Variants in S100A4 observed in about 807,000 individuals in gnomAD.
S100A4 encodes the protein protein S100-A4.
A neutral mutation model predicts 6.3 loss-of-function variants in S100A4; 4 were observed. That is an observed-to-expected ratio of 0.64 (90% CI 0.31 to 1.46). The LOEUF (loss-of-function observed/expected upper bound fraction) is 1.46. Among genes scored for constraint, S100A4 ranks in the 40% most tolerant of loss-of-function variants. The pLI is 0.07. For synonymous variants in S100A4, 44 were observed against 47.6 expected, an observed-to-expected ratio of 0.92 and a Z score of 0.32; for missense variants, 108 against 120.8, an observed-to-expected ratio of 0.89 and a Z score of 0.50.
At position 153,543,750 on chromosome 1, in the gene S100A4, G is replaced by A; in HGVS notation, c.*9C>T. The stretch of plus-strand genomic sequence containing the variant: ...GCTGGCAGACCCCCCAACCACATCA[G>A]AGGAGTTTTCATTTCTTCCTGGGCT... On this transcript the variant is annotated 3_prime_UTR_variant, in exon 3 of 3. Transcript: ENST00000368716. 6.2e-7 allele frequency: 1 copy of A among 1,613,424 alleles called. No individual in the cohort carries two copies. The highest frequency in any genetic ancestry group is 8.5e-7 in the Non-Finnish European group (1 of 1,179,782).
Position 153,543,660 on chromosome 1 carries a change from A to G in S100A4, c.*99T>C. 8.7e-7 allele frequency: 1 copy of G among 1,145,222 alleles called. No homozygotes were observed. Among genetic ancestry groups the G allele is most frequent in the Non-Finnish European group, 1.3e-6 (1 of 788,610 alleles). The allele number at this position is 1,145,222 out of a possible 1,614,324, so 70.9% of individuals were successfully genotyped here. On this transcript the variant is annotated 3_prime_UTR_variant, in exon 3 of 3. Transcript: ENST00000368716. ...TCTTTATTGAACTTGCTCAGCATCA[A>G]GCACGTGTCTGAAGGAGCCAGGGTG...
Position 153,543,972 on chromosome 1 carries a change from A to G in S100A4, c.142-49T>C, listed in dbSNP as rs769503203. 16 of 1,599,948 alleles carry G rather than the reference A, an allele frequency of 1.0e-5. No homozygotes were observed. The East Asian group carries it at 2.7e-4, about 27-fold the overall frequency. ...TAGAAAACAGAAGCCCAGTGGGTGGAGCCAGGACCAGACCCAGTTTCTACT... is the reference window on the plus strand; with the variant it reads ...TAGAAAACAGAAGCCCAGTGGGTGGGGCCAGGACCAGACCCAGTTTCTACT... On this transcript the variant is annotated intron_variant, in intron 2 of 2. Coordinates refer to ENST00000368716, the MANE Select transcript of S100A4 (RefSeq NM_002961.3).
At chr1:153,544,977 C>G in intron 1 of S100A4, 168 bp from the exon 2 acceptor site, 1 of 697,706 alleles carries the variant, frequency 1.4e-6, no homozygotes, top group Middle Eastern at 4.1e-4. Flanking sequence ...AGGGTGTGCA[C>G]AGTGGGGAAC....
chr1:153,544,626 G>C (rs1343536488), intron 2 of S100A4, 28 bp downstream of exon 2: 2 of 1,613,876 alleles, frequency 1.2e-6, no homozygotes, highest in South Asian at 2.2e-5. Flanking sequence ...GCCCCACGTG[G>C]GGACTCACTC....
chr1:153,543,715 G>C lies in S100A4; in HGVS notation c.*44C>G, dbSNP rs1269491573. 6 of 1,587,516 alleles carry C rather than the reference G, an allele frequency of 3.8e-6. No homozygotes were observed. The highest frequency in any genetic ancestry group is 2.3e-5 in the South Asian group (2 of 87,826). On this transcript the variant is annotated 3_prime_UTR_variant, in exon 3 of 3. Coordinates refer to ENST00000368716, the MANE Select transcript of S100A4 (RefSeq NM_002961.3). Reference sequence around the variant, plus strand: ...AAAAAAAGTGCCCACTGGCGACAGGGAGGGCCCCAGCTGGCAGACCCCCCA... The same window carrying C: ...AAAAAAAGTGCCCACTGGCGACAGGCAGGGCCCCAGCTGGCAGACCCCCCA...
intron 1 of S100A4, chr1:153,545,420 G>A (rs555767360): frequency 5.4e-4 from 83 of 154,844 alleles, no homozygotes; most frequent in Admixed American, 4.9e-3. Context: ...TCCCGAGTGC[G>A]CAACCCAGCA....
In S100A4 at chr1:153,544,735, CG is replaced by C; in HGVS notation, c.59del (p.Ser20TrpfsTer15). ...DVMVSTFHKYSGKEGDKFKLN... is the reference protein window; with the variant it reads ...DVMVSTFHKYXGKEGDKFKLN... ...GCTTGAACTTGTCACCCTCTTTGCC[CG>C]AGTACTTGTGGAAGGTGGACACCAT... On this transcript the variant is annotated frameshift_variant, in exon 2 of 3. Coordinates refer to ENST00000368716, the MANE Select transcript of S100A4 (RefSeq NM_002961.3). LOFTEE classifies it high-confidence loss of function. 1.2e-6 allele frequency: 2 copies of C among 1,614,214 alleles called. No individual in the cohort carries two copies. Among genetic ancestry groups the C allele is most frequent in the Non-Finnish European group, 1.7e-6 (2 of 1,180,036 alleles).
chr1:153,544,950 C>T, intron 1 of S100A4, 141 bp from the exon 2 acceptor site: 1 of 1,005,794 alleles, frequency 9.9e-7, no homozygotes. Context: ...AGCAGTGGGC[C>T]CCCGCACCTG....
At position 153,543,845 on chromosome 1, in the gene S100A4, C is replaced by T; in HGVS notation, c.220G>A (p.Glu74Lys). The change falls in exon 3 of 3, where the codon GAG becomes AAG. Residue 74 changes from glutamate (E) to lysine (K), a missense_variant. Physicochemically the swap from Glu to Lys is moderately conservative, Grantham distance 56 (BLOSUM62 1). Coordinates refer to ENST00000368716, the MANE Select transcript of S100A4 (RefSeq NM_002961.3). ...ATGCAGGACAGGAAGACACAGTACT[C>T]TTGGAAGTCCACCTCGTTGTCCCTG... ...SNRDNEVDFQ[E>K]YCVFLSCIAM... The T allele has an allele frequency of 6.2e-7, 1 of 1,614,260 alleles. No individual in the cohort carries two copies. The highest frequency in any genetic ancestry group is 8.5e-7 in the Non-Finnish European group (1 of 1,180,040).
rs2101691040 is a variant in S100A4, at chr1:153,543,908, C to T, written c.157G>A (p.Ala53Thr). ...PSFLGKRTDE[A>T]AFQKLMSNLD... Reference sequence around the variant, plus strand: ...TTGCTCATCAGCTTCTGGAAAGCAGCTTCATCTGTCCTTTTCTGGAGGGAG... The same window carrying T: ...TTGCTCATCAGCTTCTGGAAAGCAGTTTCATCTGTCCTTTTCTGGAGGGAG... Residue 53 changes from alanine (A) to threonine (T), a missense_variant, in exon 3 of 3, where the codon GCT becomes ACT. By Grantham distance (58) the Ala-to-Thr change is moderately conservative. Transcript: ENST00000368716. The T allele has an allele frequency of 3.7e-6, 6 of 1,614,118 alleles. No homozygotes were observed. Among genetic ancestry groups the T allele is most frequent in the Non-Finnish European group, 5.1e-6 (6 of 1,180,030 alleles).
chr1:153,544,991 T>C, intron 1 of S100A4, 182 bp from the exon 2 acceptor site: 1 of 638,784 alleles, frequency 1.6e-6, no homozygotes, highest in Non-Finnish European at 2.6e-6. Context: ...GGGGAACACA[T>C]GCTCTGGGCA....
chr1:153,544,938 A>G (rs1665513214), intron 1 of S100A4, 129 bp from the exon 2 acceptor site: 1 of 1,185,096 alleles, frequency 8.4e-7, no homozygotes. Flanking sequence ...GGGGGAGCCC[A>G]GAGCAGTGGG....
intron 2 of S100A4, 40 bp downstream of exon 2, chr1:153,544,614 A>G (rs760091357): frequency 3.1e-6 from 5 of 1,608,464 alleles, no homozygotes; most frequent in Non-Finnish European, 4.2e-6. Context: ...TCTGTGGGAA[A>G]TGCCCCACGT....
Position 153,544,733 on chromosome 1 carries a change from C to T in S100A4, c.62G>A (p.Gly21Asp). The change falls in exon 2 of 3, where the codon GGC becomes GAC. Residue 21 changes from glycine to aspartate, a missense_variant. Physicochemically the swap from Gly to Asp is moderately conservative, Grantham distance 94 (BLOSUM62 -1). Transcript: ENST00000368716. ...VMVSTFHKYS[G>D]KEGDKFKLNK... ...GAGCTTGAACTTGTCACCCTCTTTG[C>T]CCGAGTACTTGTGGAAGGTGGACAC... The T allele has an allele frequency of 6.2e-7, 1 of 1,614,224 alleles. No individual in the cohort carries two copies. The highest frequency in any genetic ancestry group is 8.5e-7 in the Non-Finnish European group (1 of 1,180,040).
chr1:153,543,733 A>AC lies in S100A4; in HGVS notation c.*25dup, dbSNP rs550213672. 43 of 1,595,964 alleles carry AC rather than the reference A, an allele frequency of 2.7e-5. No homozygotes were observed. The South Asian group carries it at 4.3e-4, about 16-fold the overall frequency. ...CGACAGGGAGGGCCCCAGCTGGCAG[A>AC]CCCCCCAACCACATCAGAGGAGTTT... is the stretch of plus-strand genomic sequence containing the variant. On this transcript the variant is annotated 3_prime_UTR_variant, in exon 3 of 3. Transcript: ENST00000368716.
chr1:153,545,050 A>G (rs1665517838), intron 1 of S100A4: 1 of 469,824 alleles, frequency 2.1e-6, no homozygotes, highest in African/African-American at 1.9e-5. Flanking sequence ...TTCGGGCAGC[A>G]AACTCCCAGG....
At chr1:153,545,222 C>A in intron 1 of S100A4, 1 of 190,716 alleles carries the variant, frequency 5.2e-6, no homozygotes, top group East Asian at 1.2e-4. Flanking sequence ...GTGGAAAAAA[C>A]CAGCACAGCC....
chr1:153,544,920 C>T, intron 1 of S100A4, 111 bp from the exon 2 acceptor site: 1 of 1,412,982 alleles, frequency 7.1e-7, no homozygotes, highest in Non-Finnish European at 9.6e-7. Context: ...AGACTCTGCT[C>T]CCTCCCTGGG....
Position 153,543,837 on chromosome 1 carries a change from A to G in S100A4, c.228T>C (p.Cys76=). 1 of 1,614,224 alleles carries G rather than the reference A, an allele frequency of 6.2e-7. No homozygotes were observed. Among genetic ancestry groups the G allele is most frequent in the Admixed American group, 1.7e-5 (1 of 60,026 alleles). The change falls in exon 3 of 3, where the codon TGT becomes TGC. Residue 76 remains cysteine (C), a synonymous_variant. Transcript: ENST00000368716. ...TCATGGCGATGCAGGACAGGAAGAC[A>G]CAGTACTCTTGGAAGTCCACCTCGT... ...RDNEVDFQEY[C]VFLSCIAMMC... is the part of the protein sequence containing the mutation.
Sources: allele counts gnomAD v4.1 joint callset, GRCh38; gene constraint gnomAD v4.1.1; transcripts MANE v1.5; gene names NCBI Gene and HGNC (gene_info 2026-07-23, HGNC 2026-07-21).